Variants in NPAS3 observed in about 807,000 individuals in gnomAD.
NPAS3 encodes neuronal PAS domain protein 3, also known as neuronal PAS domain-containing protein 3.
NPAS3 carries 14 observed loss-of-function variants against 73.1 expected under a neutral mutation model. That is an observed-to-expected ratio of 0.19 (90% CI 0.13 to 0.30). The LOEUF is 0.30. Among genes scored for constraint, NPAS3 ranks in the 10% least tolerant of loss-of-function variants. The probability of loss-of-function intolerance (pLI) is 1.00; values close to 1 mark genes in which losing one functional copy is unlikely to be tolerated. For missense variants in NPAS3, 1,096 were observed against 1,250.0 expected, an observed-to-expected ratio of 0.88 and a Z score of 1.86; for synonymous variants, 620 against 541.5, an observed-to-expected ratio of 1.14 and a Z score of -2.01.
intron 2 of NPAS3, among the ~76,000 whole-genome samples, chr14:33,111,091 A>T (rs2042876533): frequency 6.6e-6 from 1 of 152,194 alleles, no homozygotes; most frequent in East Asian, 1.9e-4. Flanking sequence ...AGTGCTGGAA[A>T]AACTGCAAAC....
chr14:33,454,301 G>A (rs1298851966), intron 4 of NPAS3, among the ~76,000 whole-genome samples: 1 of 152,152 alleles, frequency 6.6e-6, no homozygotes, highest in Non-Finnish European at 1.5e-5. Flanking sequence ...TAGAAAATGT[G>A]GAAAAGCAAA....
rs997741069 is a variant in NPAS3 at position 33,349,007 on chromosome 14, C to T, written c.386-18179C>T. Among the ~76,000 whole-genome samples, 8 of 152,224 alleles carry T rather than the reference C, an allele frequency of 5.3e-5. No homozygotes were observed. In the South Asian group the frequency reaches 6.2e-4, roughly 12 times the overall value. On this transcript the variant is annotated intron_variant, in intron 3 of 11. Coordinates refer to ENST00000356141, the Ensembl canonical transcript of NPAS3. Reference sequence around the variant, plus strand: ...CATTGCCCGTGAGCCCTTCCAACCACGAGTGGGCATCCATCAGAAACTGGA... The same window carrying T: ...CATTGCCCGTGAGCCCTTCCAACCATGAGTGGGCATCCATCAGAAACTGGA...
chr14:32,980,441 A>G (rs1011476621), intron 1 of NPAS3, among the ~76,000 whole-genome samples: 2 of 152,226 alleles, frequency 1.3e-5, no homozygotes, highest in African/African-American at 4.8e-5. Context: ...ATAGAAATGG[A>G]ATTTGCATGA....
At chr14:33,001,547 C>G (rs150221237) in intron 1 of NPAS3, among the ~76,000 whole-genome samples, 1 of 152,166 alleles carries the variant, frequency 6.6e-6, no homozygotes, top group Admixed American at 6.5e-5. Context: ...ACCACTCTCT[C>G]CTTTCCTAGC....
intron 2 of NPAS3, among the ~76,000 whole-genome samples, chr14:33,152,491 T>A (rs1473565795): frequency 1.3e-5 from 2 of 152,172 alleles, no homozygotes. Context: ...TTTCTTTTTT[T>A]CTTCCCTCAC....
intron 1 of NPAS3, among the ~76,000 whole-genome samples, chr14:32,971,021 ACT>A (rs2037397679): frequency 6.7e-6 from 1 of 149,106 alleles, no homozygotes; most frequent in Non-Finnish European, 1.5e-5. Context: ...GAAGTATGGC[ACT>A]CTCTCTTCTC....
At chr14:33,664,676 A>T (rs2140289225) in intron 5 of NPAS3, among the ~76,000 whole-genome samples, 1 of 152,254 alleles carries the variant, frequency 6.6e-6, no homozygotes, top group Non-Finnish European at 1.5e-5. Flanking sequence ...ATAAGAAAAA[A>T]CCCCATCAAA....
At chr14:33,254,774 A>G (rs966347309) in intron 3 of NPAS3, among the ~76,000 whole-genome samples, 2 of 152,188 alleles carry the variant, frequency 1.3e-5, no homozygotes, top group Non-Finnish European at 2.9e-5. Context: ...TCATTGGCCA[A>G]AATTCTAGAG....
At chr14:33,478,237 T>C (rs1389951376) in intron 4 of NPAS3, among the ~76,000 whole-genome samples, 1 of 152,178 alleles carries the variant, frequency 6.6e-6, no homozygotes, top group Non-Finnish European at 1.5e-5. Flanking sequence ...TAACATTAAA[T>C]CAACCTTAAT....
intron 2 of NPAS3, among the ~76,000 whole-genome samples, chr14:33,159,313 C>A (rs1412154663): frequency 2.0e-5 from 3 of 152,158 alleles, no homozygotes; most frequent in Non-Finnish European, 4.4e-5. Flanking sequence ...TTTGTGAGCT[C>A]TGAAGTTTGC....
intron 2 of NPAS3, among the ~76,000 whole-genome samples, chr14:33,058,502 C>T (rs927928083): frequency 5.3e-5 from 8 of 152,166 alleles, no homozygotes; most frequent in African/African-American, 1.9e-4. Flanking sequence ...GGAATAGATA[C>T]AGACAAATGA....
intron 2 of NPAS3, among the ~76,000 whole-genome samples, chr14:33,194,573 C>A (rs2046283760): frequency 6.6e-6 from 1 of 152,068 alleles, no homozygotes; most frequent in African/African-American, 2.4e-5. Context: ...TTGCCTTTTT[C>A]TTAGTATTTA....
At chr14:33,786,970 T>C (rs74044722) in intron 9 of NPAS3, among the ~76,000 whole-genome samples, 1,838 of 152,260 alleles carry the variant, frequency 0.012, 33 homozygotes, top group African/African-American at 0.04. Context: ...AAATCCACCA[T>C]TGTCCTCAGT....
intron 3 of NPAS3, among the ~76,000 whole-genome samples, chr14:33,281,382 G>A (rs1277422254): frequency 2.0e-5 from 3 of 152,138 alleles, no homozygotes; most frequent in African/African-American, 7.2e-5. Flanking sequence ...TGTAATCCCA[G>A]CACTTTGGGA....
intron 7 of NPAS3, among the ~76,000 whole-genome samples, chr14:33,773,299 C>T (rs1349574087): frequency 2.0e-5 from 3 of 152,160 alleles, no homozygotes; most frequent in Admixed American, 2.0e-4. Flanking sequence ...CTAAACTGAG[C>T]TCCATGGTAC....
Position 33,734,982 on chromosome 14 carries a change from G to T in NPAS3, c.734-232G>T, listed in dbSNP as rs542539442. 2.6e-5 allele frequency among the ~76,000 whole-genome samples: 4 copies of T among 152,268 alleles called. No individual in the cohort carries two copies. In the South Asian group the frequency reaches 6.2e-4, roughly 24 times the overall value. ...TTAGGCAGCTGCTGGAAGTAAAAAGGCCTGAAAAGCTCTTGTTAGAAACTG... is the reference window on the plus strand; with the variant it reads ...TTAGGCAGCTGCTGGAAGTAAAAAGTCCTGAAAAGCTCTTGTTAGAAACTG... On this transcript the variant is annotated intron_variant, in intron 6 of 11. Coordinates refer to ENST00000356141, the Ensembl canonical transcript of NPAS3.
chr14:33,409,648 G>A lies in NPAS3; in HGVS notation c.468+42380G>A, dbSNP rs573443879. Reference sequence around the variant, plus strand: ...AGCTTAATTTGAGAGTAGAAAGAAAGTGCAGAAAGTTCAGTAAGATTCATT... The same window carrying A: ...AGCTTAATTTGAGAGTAGAAAGAAAATGCAGAAAGTTCAGTAAGATTCATT... On this transcript the variant is annotated intron_variant, in intron 4 of 11. Transcript: ENST00000356141. Among the ~76,000 whole-genome samples, 145 of 152,186 alleles carry A rather than the reference G, an allele frequency of 9.5e-4. 2 individuals are homozygous for A. Among genetic ancestry groups the A allele is most frequent in the Non-Finnish European group, 1.9e-3 (132 of 68,016 alleles).
In NPAS3 at chr14:33,269,201, T is replaced by C. The variant is rs114750727; in HGVS notation, c.385+53775T>C. Among the ~76,000 whole-genome samples the C allele has an allele frequency of 6.5e-3, 997 of 152,246 alleles. 7 individuals carry two copies. Among genetic ancestry groups the C allele is most frequent in the African/African-American group, 0.023 (948 of 41,546 alleles). On this transcript the variant is annotated intron_variant, in intron 3 of 11. Coordinates refer to ENST00000356141, the Ensembl canonical transcript of NPAS3. ...TAAAATAGAAATTTCAAAATAAAAA[T>C]AGCTAAAATCTGTTAAATACCCTCT...
chr14:33,233,554 AC>A (rs977962996), intron 3 of NPAS3, among the ~76,000 whole-genome samples: 4 of 152,160 alleles, frequency 2.6e-5, no homozygotes, highest in African/African-American at 9.6e-5. Context: ...AAAACAAGGA[AC>A]CTGTCATCAA....
Sources: allele counts gnomAD v4.1 joint callset (sites outside exome capture counted in the v4.1 genomes callset), GRCh38; gene constraint gnomAD v4.1.1; transcripts MANE v1.5; gene names NCBI Gene and HGNC (gene_info 2026-07-23, HGNC 2026-07-21).